Variants in MYRIP observed in about 807,000 individuals in gnomAD.
MYRIP encodes the protein myosin VIIA and Rab interacting protein.
Under a neutral mutation model 98.0 loss-of-function variants are expected in MYRIP, and 49 were observed. The observed-to-expected ratio is 0.50, with a 90% CI of 0.40 to 0.63. MYRIP has a LOEUF of 0.63. Ranked by LOEUF, MYRIP falls within the 30% of genes least tolerant of loss-of-function variation. The probability of loss-of-function intolerance (pLI) is 0.00; values close to 1 mark genes in which losing one functional copy is unlikely to be tolerated. For missense variants in MYRIP, 1,004 were observed against 1,058.2 expected (o/e 0.95, Z 0.71); for synonymous variants, 404 against 409.5 (o/e 0.99, Z 0.16).
At chr3:39,888,111 A>C (rs1039828428) in intron 1 of MYRIP, among the ~76,000 whole-genome samples, 7 of 152,092 alleles carry the variant, frequency 4.6e-5, no homozygotes, top group Non-Finnish European at 1.0e-4. Flanking sequence ...TCCCAAGGTA[A>C]TTTACAGATT....
intron 4 of MYRIP, among the ~76,000 whole-genome samples, chr3:40,157,865 G>A (rs1359807494): frequency 1.6e-4 from 24 of 151,494 alleles, no homozygotes; most frequent in Admixed American, 5.3e-4. Context: ...TTTTTATTGC[G>A]TCTATTTGAT....
chr3:40,120,643 C>T (rs1461402899), intron 3 of MYRIP, among the ~76,000 whole-genome samples: 1 of 152,186 alleles, frequency 6.6e-6, no homozygotes, highest in South Asian at 2.1e-4. Context: ...AGAATCCATA[C>T]GTCCTGGCTG....
intron 3 of MYRIP, among the ~76,000 whole-genome samples, chr3:40,092,833 C>G (rs1014881226): frequency 6.6e-6 from 1 of 152,162 alleles, no homozygotes; most frequent in Non-Finnish European, 1.5e-5. Context: ...TACCTAGGAA[C>G]TTGAGGTTAC....
At chr3:39,937,144 AG>A (rs1559528645) in intron 2 of MYRIP, among the ~76,000 whole-genome samples, 2 of 152,146 alleles carry the variant, frequency 1.3e-5, no homozygotes, top group Non-Finnish European at 2.9e-5. Flanking sequence ...TCTTGCTGGA[AG>A]GGCCTTCAAG....
At chr3:40,102,412 G>A (rs1445123707) in intron 3 of MYRIP, among the ~76,000 whole-genome samples, 1 of 152,182 alleles carries the variant, frequency 6.6e-6, no homozygotes, top group South Asian at 2.1e-4. Flanking sequence ...TCTCCAGGGT[G>A]TTGAGTCATT....
intron 1 of MYRIP, among the ~76,000 whole-genome samples, chr3:39,858,413 G>T (rs1175731463): frequency 6.6e-6 from 1 of 151,894 alleles, no homozygotes; most frequent in Non-Finnish European, 1.5e-5. Context: ...AGAGTTGAAA[G>T]GAAAAATAAA....
At chr3:39,853,858 T>C (rs1212906025) in intron 1 of MYRIP, among the ~76,000 whole-genome samples, 1 of 152,192 alleles carries the variant, frequency 6.6e-6, no homozygotes, top group Non-Finnish European at 1.5e-5. Context: ...GTTTTTCCAA[T>C]GTTATCTTCT....
intron 1 of MYRIP, among the ~76,000 whole-genome samples, chr3:39,890,079 A>T (rs1276772775): frequency 6.6e-6 from 1 of 151,794 alleles, no homozygotes; most frequent in Non-Finnish European, 1.5e-5. Flanking sequence ...TATTTATTTC[A>T]TCATTTGTTT....
chr3:40,258,415 G>C lies in MYRIP; in HGVS notation c.*249G>C, dbSNP rs988639056. 3 of 470,202 alleles carry C rather than the reference G, an allele frequency of 6.4e-6. No individual in the cohort carries two copies. In the Admixed American group the frequency reaches 9.9e-5, roughly 15 times the overall value. The allele number at this position is 470,202 out of a possible 1,614,324, so 29.1% of individuals were successfully genotyped here. ...TCCAAGACAGAAAATGAAGACACTG[G>C]CTTCCAACAGCAGCGCTCCATGTTT... On this transcript the variant is annotated 3_prime_UTR_variant, in exon 17 of 17. Transcript: ENST00000302541.
Position 39,953,012 on chromosome 3 carries a change from G to A in MYRIP, c.110+52086G>A, listed in dbSNP as rs139677199. Among the ~76,000 whole-genome samples, 3 of 152,264 alleles carry A rather than the reference G, an allele frequency of 2.0e-5. No homozygotes were observed. In the East Asian group the frequency reaches 5.8e-4, roughly 29 times the overall value. On this transcript the variant is annotated intron_variant, in intron 2 of 16. Coordinates refer to ENST00000302541, the MANE Select transcript of MYRIP (RefSeq NM_015460.4). The stretch of plus-strand genomic sequence containing the variant: ...GTTGGTTGTCCCAAATAGGATCACA[G>A]CTTCATTGTCTTCCCCCATTCTTTT...
chr3:39,995,294 A>T lies in MYRIP; in HGVS notation c.111-48756A>T, dbSNP rs551056280. Reference sequence around the variant, plus strand: ...AAAGACGTTAAAAACCTTGAAAAAAAATTAGATGAATGGCTAACTAGAATA... The same window carrying T: ...AAAGACGTTAAAAACCTTGAAAAAATATTAGATGAATGGCTAACTAGAATA... On this transcript the variant is annotated intron_variant, in intron 2 of 16. Transcript: ENST00000302541. Among the ~76,000 whole-genome samples, 15 of 152,320 alleles carry T rather than the reference A, an allele frequency of 9.8e-5. No homozygotes were observed. The East Asian group carries it at 1.4e-3, about 14-fold the overall frequency.
intron 10 of MYRIP, among the ~76,000 whole-genome samples, chr3:40,197,992 A>G (rs73067693): frequency 0.016 from 2,469 of 152,308 alleles, 28 homozygotes; most frequent in Non-Finnish European, 0.023. Context: ...GATGGCTAAG[A>G]ACCTAGCCAC....
Position 39,853,805 on chromosome 3 carries a change from G to A in MYRIP, c.-31+43889G>A, listed in dbSNP as rs188310167. ...TTGTTTTTGTTGCATTTGCTTTTGCGTTCTCGGTCATGATCTCTTTGCTTA... is the reference window on the plus strand; with the variant it reads ...TTGTTTTTGTTGCATTTGCTTTTGCATTCTCGGTCATGATCTCTTTGCTTA... On this transcript the variant is annotated intron_variant, in intron 1 of 16. Coordinates refer to ENST00000302541, the MANE Select transcript of MYRIP (RefSeq NM_015460.4). 2.8e-4 allele frequency among the ~76,000 whole-genome samples: 43 copies of A among 151,972 alleles called. No homozygotes were observed. In the South Asian group the frequency reaches 5.4e-3, roughly 19 times the overall value.
intron 1 of MYRIP, among the ~76,000 whole-genome samples, chr3:39,848,364 A>G (rs1942033499): frequency 6.6e-6 from 1 of 152,234 alleles, no homozygotes; most frequent in South Asian, 2.1e-4. Context: ...CTAATACTTC[A>G]ATCATTTATC....
At chr3:40,060,219 T>C (rs1947978940) in intron 3 of MYRIP, among the ~76,000 whole-genome samples, 2 of 152,106 alleles carry the variant, frequency 1.3e-5, no homozygotes, top group African/African-American at 2.4e-5. Context: ...GGAAACTCTG[T>C]GCTCTGATCA....
intron 11 of MYRIP, among the ~76,000 whole-genome samples, chr3:40,212,489 C>T (rs1951992162): frequency 1.3e-5 from 2 of 151,986 alleles, no homozygotes; most frequent in South Asian, 4.2e-4. Flanking sequence ...GCATAATCGC[C>T]CAGGCGCAGT....
At position 39,971,501 on chromosome 3, in the gene MYRIP, T is replaced by C. The variant is rs9311227; in HGVS notation, c.110+70575T>C. On this transcript the variant is annotated intron_variant, in intron 2 of 16. Coordinates refer to ENST00000302541, the MANE Select transcript of MYRIP (RefSeq NM_015460.4). ...AGTACAATTTAGATCATAAATCAAA[T>C]AGAAAACCAGATGGAAGCATTTTAA... 6.6e-3 allele frequency among the ~76,000 whole-genome samples: 1,010 copies of C among 152,142 alleles called. 10 individuals are homozygous for C. The highest frequency in any genetic ancestry group is 0.023 in the African/African-American group (954 of 41,522).
intron 4 of MYRIP, among the ~76,000 whole-genome samples, chr3:40,159,623 C>T (rs1430588426): frequency 6.0e-5 from 9 of 150,762 alleles, no homozygotes; most frequent in Middle Eastern, 3.2e-3. Context: ...CCGTCACTTT[C>T]AGGTACACCA....
intron 3 of MYRIP, among the ~76,000 whole-genome samples, chr3:40,108,719 G>A (rs1007712747): frequency 3.3e-5 from 5 of 152,190 alleles, no homozygotes; most frequent in African/African-American, 1.2e-4. Flanking sequence ...ATGAACACTG[G>A]ATTATTTAAG....
Sources: allele counts gnomAD v4.1 joint callset (sites outside exome capture counted in the v4.1 genomes callset), GRCh38; gene constraint gnomAD v4.1.1; transcripts MANE v1.5; gene names NCBI Gene and HGNC (gene_info 2026-07-23, HGNC 2026-07-21).